The following LRRC7 variants were observed in gnomAD, a reference collection of about 807,000 sequenced individuals.
LRRC7 encodes the protein leucine-rich repeat-containing protein 7.
In LRRC7, 23 loss-of-function variants were observed where a neutral mutation model predicts 175.7. That is an observed-to-expected ratio of 0.13 (90% confidence interval 0.09 to 0.19). The LOEUF (loss-of-function observed/expected upper bound fraction) is 0.19, where lower values mean the gene tolerates loss of function less well. Ranked by LOEUF, LRRC7 falls within the 10% of genes least tolerant of loss-of-function variation. The probability of loss-of-function intolerance (pLI) is 1.00; values close to 1 mark genes in which losing one functional copy is unlikely to be tolerated. For synonymous variants in LRRC7, 685 were observed against 680.9 expected (o/e 1.01, Z -0.09); for missense variants, 1,354 against 1,904.7 (o/e 0.71, Z 5.38).
In LRRC7 at chr1:70,038,136, C is replaced by T. The variant is rs771941077; in HGVS notation, c.2312C>T (p.Pro771Leu). 6.2e-7 allele frequency: 1 copy of T among 1,611,312 alleles called. No individual in the cohort carries two copies. Among genetic ancestry groups the T allele is most frequent in the Non-Finnish European group, 8.5e-7 (1 of 1,178,648 alleles). ...AGGATTGCACCATCTTTCCCACAGC[C>T]TCTTGATTCAAAGCCATTACTCAGC... ...GNRIAPSFPQ[P>L]LDSKPLLSQR... is the part of the protein sequence containing the mutation. The change falls in exon 21 of 27, where the codon CCT (proline) becomes CTT (leucine). Residue 771 changes from proline to leucine, a missense_variant. Around this residue, in one of 4 missense-constraint regions of LRRC7, gnomAD observed 1,032 missense variants for 1,227.2 expected, o/e 0.84. Coordinates refer to ENST00000651989, the MANE Select transcript of LRRC7 (RefSeq NM_001370785.2).
intron 2 of LRRC7, among the ~76,000 whole-genome samples, chr1:69,712,960 C>G (rs1266990072): frequency 3.3e-5 from 5 of 152,132 alleles, no homozygotes; most frequent in African/African-American, 9.7e-5. Flanking sequence ...AATTTAGCCA[C>G]ATATTCCCTC....
intron 1 of LRRC7, among the ~76,000 whole-genome samples, chr1:69,642,039 G>T (rs1654291105): frequency 6.6e-6 from 1 of 151,868 alleles, no homozygotes; most frequent in Non-Finnish European, 1.5e-5. Flanking sequence ...CCATTTAACT[G>T]ATGCTTAATA....
intron 1 of LRRC7, among the ~76,000 whole-genome samples, chr1:69,668,572 T>A (rs1195876699): frequency 6.6e-6 from 1 of 152,210 alleles, no homozygotes; most frequent in African/African-American, 2.4e-5. Flanking sequence ...TGGTTCCAAG[T>A]CTTCGCTATT....
Position 69,568,268 on chromosome 1 carries a change from G to GCGCCTC in LRRC7, c.-367_-362dup. ...GCCTTCTGGGGGCGGGGAGGGAGCT[G>GCGCCTC]CGCCTCCGCCACCGCCGCCGCCGCC... On this transcript the variant is annotated 5_prime_UTR_variant, in exon 1 of 27. Transcript: ENST00000651989. 4.7e-6 allele frequency: 1 copy of GCGCCTC among 210,760 alleles called. No individual in the cohort carries two copies. The allele number at this position is 210,760 out of a possible 1,614,324, so 13.1% of individuals were successfully genotyped here.
At chr1:69,600,300 C>T (rs897356555) in intron 1 of LRRC7, among the ~76,000 whole-genome samples, 8 of 151,920 alleles carry the variant, frequency 5.3e-5, no homozygotes, top group Admixed American at 5.3e-4. Context: ...TTTTTATGTC[C>T]CAGAGAATCA....
rs563954992 is a variant in LRRC7 at position 69,790,334 on chromosome 1, A to G, written c.304-1709A>G. Reference sequence around the variant, plus strand: ...CAAGGAGATCTTGGATTCTTTTGTTACAGGCTGTTCAGAAGTTTCTGTGTC... The same window carrying G: ...CAAGGAGATCTTGGATTCTTTTGTTGCAGGCTGTTCAGAAGTTTCTGTGTC... On this transcript the variant is annotated intron_variant, in intron 3 of 26. Coordinates refer to ENST00000651989, the MANE Select transcript of LRRC7 (RefSeq NM_001370785.2). Among the ~76,000 whole-genome samples the G allele has an allele frequency of 2.6e-5, 4 of 152,186 alleles. No individual in the cohort carries two copies. In the East Asian group the frequency reaches 7.7e-4, roughly 29 times the overall value.
At chr1:69,992,145 C>T (rs1654498620) in intron 10 of LRRC7, among the ~76,000 whole-genome samples, 1 of 151,816 alleles carries the variant, frequency 6.6e-6, no homozygotes, top group Admixed American at 6.6e-5. Flanking sequence ...AGTAATAGTA[C>T]CTGACATATA....
chr1:69,882,402 C>G (rs1686709365), intron 7 of LRRC7, among the ~76,000 whole-genome samples: 1 of 152,096 alleles, frequency 6.6e-6, no homozygotes, highest in African/African-American at 2.4e-5. Flanking sequence ...GAGAGATTTG[C>G]AGTCCCATGT....
intron 23 of LRRC7, among the ~76,000 whole-genome samples, chr1:70,066,721 C>A (rs947594466): frequency 6.6e-6 from 1 of 152,028 alleles, no homozygotes; most frequent in African/African-American, 2.4e-5. Context: ...GAACCTAAGT[C>A]TTCATAAGTC....
At chr1:69,763,932 G>A (rs994066054) in intron 3 of LRRC7, among the ~76,000 whole-genome samples, 3 of 151,692 alleles carry the variant, frequency 2.0e-5, no homozygotes, top group East Asian at 1.9e-4. Context: ...TTCTGATATT[G>A]TACACAGAGA....
chr1:69,931,455 A>G, intron 7 of LRRC7, 52 bp from the exon 8 acceptor site: 1 of 1,427,634 alleles, frequency 7.0e-7, no homozygotes, highest in Non-Finnish European at 9.9e-7. Flanking sequence ...TGTCTTTTAG[A>G]GCAATGTATC....
At position 69,888,004 on chromosome 1, in the gene LRRC7, A is replaced by G. The variant is rs535352686; in HGVS notation, c.648-43503A>G. ...AGATCTCCAGCTGCGTGTTGGGAGA[A>G]CCACTGCTCCCTTCAAAGCTGTCAG... On this transcript the variant is annotated intron_variant, in intron 7 of 26. Transcript: ENST00000651989. Among the ~76,000 whole-genome samples the G allele has an allele frequency of 8.5e-3, 939 of 109,956 alleles. 41 individuals carry two copies. The highest frequency in any genetic ancestry group is 0.015 in the Non-Finnish European group (737 of 50,520). The allele number at this position is 109,956 out of a possible 152,430, so 72.1% of individuals were successfully genotyped here.
At chr1:70,073,496 A>G (rs1195889467) in intron 23 of LRRC7, among the ~76,000 whole-genome samples, 1 of 152,212 alleles carries the variant, frequency 6.6e-6, no homozygotes, top group Non-Finnish European at 1.5e-5. Flanking sequence ...AGGCTACTAT[A>G]GTTCTCCAAT....
chr1:70,091,609 A>G (rs1250888072), intron 25 of LRRC7, among the ~76,000 whole-genome samples: 1 of 152,178 alleles, frequency 6.6e-6, no homozygotes, highest in Non-Finnish European at 1.5e-5. Context: ...TTTTCAACTG[A>G]AAGAGACTAG....
chr1:69,604,785 G>A (rs568150114), intron 1 of LRRC7, among the ~76,000 whole-genome samples: 9 of 152,000 alleles, frequency 5.9e-5, no homozygotes, highest in African/African-American at 1.2e-4. Context: ...TTCTTGCCAC[G>A]TTAAGATTTG....
intron 22 of LRRC7, among the ~76,000 whole-genome samples, chr1:70,049,690 T>C (rs527334370): frequency 6.6e-6 from 1 of 152,254 alleles, no homozygotes; most frequent in African/African-American, 2.4e-5. Context: ...GGCATTATAT[T>C]ACCACCTTCA....
intron 25 of LRRC7, among the ~76,000 whole-genome samples, 167 bp from the exon 26 acceptor site, chr1:70,107,585 A>ACTT (rs757687547): frequency 2.3e-4 from 35 of 152,190 alleles, no homozygotes; most frequent in Non-Finnish European, 4.1e-4. Flanking sequence ...CTTAAACTTG[A>ACTT]CTTGGAGAGT....
intron 1 of LRRC7, among the ~76,000 whole-genome samples, chr1:69,624,966 A>C (rs906191430): frequency 2.6e-5 from 4 of 152,140 alleles, no homozygotes; most frequent in African/African-American, 9.6e-5. Flanking sequence ...CTGTCATAAA[A>C]CTAAGCTATA....
At chr1:69,610,325 T>C (rs1378275380) in intron 1 of LRRC7, among the ~76,000 whole-genome samples, 2 of 152,100 alleles carry the variant, frequency 1.3e-5, no homozygotes, top group Admixed American at 1.3e-4. Flanking sequence ...AGTTTTTCTT[T>C]GGCAAGAATA....
Sources: gnomAD v4.1 joint callset for allele counts (sites outside exome capture counted in the v4.1 genomes callset) on GRCh38, gnomAD v4.1.1 for gene constraint, gnomAD v4.1.1 regional missense constraint, MANE v1.5 for transcripts, NCBI Gene and HGNC (gene_info 2026-07-23, HGNC 2026-07-21) for gene names.